The following AGO3 variants were observed in gnomAD, a reference collection of about 807,000 sequenced individuals.
AGO3 encodes protein argonaute-3.
A neutral mutation model predicts 105.5 loss-of-function variants in AGO3; 16 were observed. The ratio of observed to expected loss-of-function variants is 0.15; its 90% confidence interval spans 0.10 to 0.23. The LOEUF is 0.23. Among genes scored for constraint, AGO3 ranks in the 10% least tolerant of loss-of-function variants. The pLI, the probability that AGO3 is intolerant of heterozygous loss-of-function variation, is 1.00. For synonymous variants in AGO3, 340 were observed against 367.3 expected, an observed-to-expected ratio of 0.93 and a Z score of 0.85; for missense variants, 534 against 1,088.0, an observed-to-expected ratio of 0.49 and a Z score of 7.16.
intron 17 of AGO3, among the ~76,000 whole-genome samples, chr1:36,050,295 G>A (rs1053283792): frequency 6.6e-6 from 1 of 152,050 alleles, no homozygotes; most frequent in African/African-American, 2.4e-5. Flanking sequence ...AGACCACCCT[G>A]GCCAACATGA....
intron 5 of AGO3, among the ~76,000 whole-genome samples, chr1:35,997,813 C>T (rs950655736): frequency 8.5e-5 from 13 of 152,142 alleles, no homozygotes; most frequent in African/African-American, 2.9e-4. Flanking sequence ...TCTCCTGCCT[C>T]AGCCTCCCGA....
chr1:36,042,532 T>C (rs1642292091), intron 16 of AGO3, among the ~76,000 whole-genome samples: 1 of 152,236 alleles, frequency 6.6e-6, no homozygotes, highest in Admixed American at 6.5e-5. Flanking sequence ...TCCACACCAC[T>C]ATAATTCAAG....
chr1:35,968,199 T>C (rs1367145460), intron 3 of AGO3, among the ~76,000 whole-genome samples: 1 of 152,208 alleles, frequency 6.6e-6, no homozygotes, highest in Non-Finnish European at 1.5e-5. Flanking sequence ...CTGCCAGTTT[T>C]CTCCTATTGG....
At chr1:36,043,950 A>T (rs1206144153) in intron 17 of AGO3, among the ~76,000 whole-genome samples, 2 of 152,174 alleles carry the variant, frequency 1.3e-5, no homozygotes, top group Non-Finnish European at 2.9e-5. Flanking sequence ...CTCCCACCTC[A>T]GCCTCCCAAG....
At chr1:36,022,881 A>G (rs998804283) in intron 11 of AGO3, among the ~76,000 whole-genome samples, 5 of 145,852 alleles carry the variant, frequency 3.4e-5, no homozygotes, top group Admixed American at 7.1e-5. Context: ...TGATCGCTCC[A>G]TTGCACTTCA....
intron 3 of AGO3, among the ~76,000 whole-genome samples, chr1:35,970,644 GGTTAT>G (rs1646849094): frequency 6.6e-6 from 1 of 151,398 alleles, no homozygotes; most frequent in African/African-American, 2.4e-5. Context: ...TTTTCAATGT[GGTTAT>G]GTTATTTATT....
At chr1:36,005,475 G>A (rs773827047) in intron 6 of AGO3, among the ~76,000 whole-genome samples, 2 of 152,190 alleles carry the variant, frequency 1.3e-5, no homozygotes, top group Non-Finnish European at 2.9e-5. Context: ...TTATTTAAAT[G>A]CCAAAGTAAG....
intron 2 of AGO3, among the ~76,000 whole-genome samples, chr1:35,952,890 T>G (rs566108601): frequency 2.0e-4 from 31 of 152,360 alleles, no homozygotes; most frequent in African/African-American, 7.5e-4. Flanking sequence ...TAACTGTACT[T>G]TATTCCTTTT....
chr1:36,037,904 C>A (rs1642081985), intron 14 of AGO3, among the ~76,000 whole-genome samples: 7 of 152,158 alleles, frequency 4.6e-5, no homozygotes, highest in Admixed American at 3.9e-4. Flanking sequence ...CTTTGGACTT[C>A]TGGTAGTCAT....
intron 12 of AGO3, among the ~76,000 whole-genome samples, chr1:36,031,686 A>G (rs575527157): frequency 7.2e-5 from 11 of 151,860 alleles, no homozygotes; most frequent in Non-Finnish European, 1.5e-4. Context: ...AATAACTTTA[A>G]TATCCTATTA....
chr1:36,046,623 T>A (rs1328175839), intron 17 of AGO3, among the ~76,000 whole-genome samples: 7 of 34,468 alleles, frequency 2.0e-4, no homozygotes, highest in Admixed American at 5.3e-4. Context: ...AGTCTCTATT[T>A]AAAAAAAAAA....
chr1:36,044,988 T>C (rs752556663), intron 17 of AGO3, among the ~76,000 whole-genome samples: 1 of 152,210 alleles, frequency 6.6e-6, no homozygotes, highest in African/African-American at 2.4e-5. Flanking sequence ...CAGCTCTGTA[T>C]CTTATAGCTT....
intron 2 of AGO3, among the ~76,000 whole-genome samples, chr1:35,947,777 G>A (rs564901980): frequency 2.6e-4 from 39 of 152,176 alleles, no homozygotes; most frequent in African/African-American, 8.9e-4. Flanking sequence ...CACTTATGGG[G>A]ACTTAACTGA....
At chr1:36,003,721 T>TATAC (rs1640215123) in intron 5 of AGO3, among the ~76,000 whole-genome samples, 1 of 135,344 alleles carries the variant, frequency 7.4e-6, no homozygotes, top group African/African-American at 2.9e-5. Context: ...TATATATATA[T>TATAC]ATATATATAT....
intron 17 of AGO3, among the ~76,000 whole-genome samples, chr1:36,049,184 A>G (rs1642596604): frequency 6.6e-6 from 1 of 151,944 alleles, no homozygotes; most frequent in South Asian, 2.1e-4. Flanking sequence ...AATAATAAAC[A>G]CTGTGGACTA....
chr1:35,949,996 G>A (rs1323429793), intron 2 of AGO3, among the ~76,000 whole-genome samples: 1 of 152,186 alleles, frequency 6.6e-6, no homozygotes, highest in East Asian at 1.9e-4. Context: ...GCTGAGGCGA[G>A]TGGATCACGA....
intron 5 of AGO3, among the ~76,000 whole-genome samples, chr1:36,001,799 C>T (rs1308262040): frequency 2.0e-5 from 3 of 151,818 alleles, no homozygotes; most frequent in Non-Finnish European, 2.9e-5. Context: ...GTATACATAC[C>T]TAAGTACTAA....
intron 5 of AGO3, among the ~76,000 whole-genome samples, chr1:35,975,878 A>C (rs760108743): frequency 2.0e-5 from 3 of 149,644 alleles, no homozygotes; most frequent in African/African-American, 7.4e-5. Flanking sequence ...GATTACTTTC[A>C]TTTTCAAGAG....
At chr1:35,973,607 G>A (rs530323060) in intron 5 of AGO3, 96 bp downstream of exon 5, 28 of 1,245,608 alleles carry the variant, frequency 2.2e-5, no homozygotes, top group South Asian at 1.3e-4. Flanking sequence ...CTGGTGTCTC[G>A]AAGTAATATT....
Sources: allele counts gnomAD v4.1 joint callset (sites outside exome capture counted in the v4.1 genomes callset), GRCh38; gene constraint gnomAD v4.1.1; transcripts MANE v1.5; gene names NCBI Gene and HGNC (gene_info 2026-07-23, HGNC 2026-07-21).